The following ERBB4 variants were observed in gnomAD, a reference collection of about 807,000 sequenced individuals.
The protein encoded by ERBB4 is erb-b2 receptor tyrosine kinase 4, also known as receptor tyrosine-protein kinase erbB-4.
ERBB4 carries 42 observed loss-of-function variants against 158.0 expected under a neutral mutation model. That is an observed-to-expected ratio of 0.27 (90% CI 0.21 to 0.34). ERBB4 has a LOEUF of 0.34. Ranked by LOEUF, ERBB4 falls within the 10% of genes least tolerant of loss-of-function variation. The probability of loss-of-function intolerance (pLI) is 1.00; values close to 1 mark genes in which losing one functional copy is unlikely to be tolerated. For missense variants in ERBB4, 1,333 were observed against 1,624.1 expected, an observed-to-expected ratio of 0.82 and a Z score of 3.08; for synonymous variants, 583 against 558.7, an observed-to-expected ratio of 1.04 and a Z score of -0.61.
At chr2:212,069,495 G>A (rs143420303) in intron 2 of ERBB4, among the ~76,000 whole-genome samples, 107 of 152,024 alleles carry the variant, frequency 7.0e-4, no homozygotes, top group African/African-American at 2.4e-3. Flanking sequence ...CCCCACTCCC[G>A]ATCAGGAACA....
Position 211,420,631 on chromosome 2 carries a change from T to A in ERBB4, c.2965-20A>T. 1 of 1,603,132 alleles carries A rather than the reference T, an allele frequency of 6.2e-7. No homozygotes were observed. The highest frequency in any genetic ancestry group is 8.5e-7 in the Non-Finnish European group (1 of 1,171,488). On this transcript the variant is annotated intron_variant, in intron 24 of 27. Coordinates refer to ENST00000342788, the MANE Select transcript of ERBB4 (RefSeq NM_005235.3). Reference sequence around the variant, plus strand: ...ATCACCCTAAAAGAAAGATTGCCCATCAGACACAAATATGATTCTTTCTTA... The same window carrying A: ...ATCACCCTAAAAGAAAGATTGCCCAACAGACACAAATATGATTCTTTCTTA...
chr2:211,682,130 C>A (rs916073587), intron 12 of ERBB4, among the ~76,000 whole-genome samples: 1 of 149,560 alleles, frequency 6.7e-6, no homozygotes, highest in Admixed American at 6.7e-5. Flanking sequence ...GAAGTTTCAC[C>A]ATCTTCCACC....
intron 1 of ERBB4, among the ~76,000 whole-genome samples, chr2:212,311,876 A>G (rs898552936): frequency 2.0e-5 from 3 of 151,014 alleles, no homozygotes; most frequent in South Asian, 2.1e-4. Flanking sequence ...CACAAGAGAA[A>G]TCTATTAGAG....
intron 25 of ERBB4, among the ~76,000 whole-genome samples, chr2:211,400,290 T>TAAA (rs1204233105): frequency 2.6e-5 from 4 of 152,106 alleles, no homozygotes; most frequent in African/African-American, 9.7e-5. Flanking sequence ...ACATAGTAGA[T>TAAA]AAATGTGCAA....
chr2:211,530,651 G>C (rs1323292134), intron 20 of ERBB4, among the ~76,000 whole-genome samples: 1 of 152,100 alleles, frequency 6.6e-6, no homozygotes, highest in Non-Finnish European at 1.5e-5. Context: ...GCACTTGGGG[G>C]CTGAGGTGGG....
intron 3 of ERBB4, among the ~76,000 whole-genome samples, chr2:211,946,752 A>T (rs1032370731): frequency 5.9e-5 from 9 of 151,658 alleles, no homozygotes; most frequent in Admixed American, 3.3e-4. Flanking sequence ...ACTTTCATGC[A>T]CCCTGAGCTA....
intron 19 of ERBB4, among the ~76,000 whole-genome samples, chr2:211,585,367 G>A (rs1381946202): frequency 2.1e-4 from 20 of 95,666 alleles, no homozygotes; most frequent in East Asian, 3.6e-4. Context: ...AAAAAAAAAA[G>A]ACTTCCTTAG....
At chr2:212,241,801 C>T (rs995691151) in intron 1 of ERBB4, among the ~76,000 whole-genome samples, 2 of 152,030 alleles carry the variant, frequency 1.3e-5, no homozygotes, top group African/African-American at 2.4e-5. Context: ...CCTAGAGCAA[C>T]TTAATCTTAT....
intron 3 of ERBB4, among the ~76,000 whole-genome samples, chr2:211,825,245 A>C (rs2077076805): frequency 6.6e-6 from 1 of 151,886 alleles, no homozygotes; most frequent in African/African-American, 2.4e-5. Context: ...TCATCATCAT[A>C]ATGATAATAA....
intron 19 of ERBB4, among the ~76,000 whole-genome samples, chr2:211,617,183 A>G (rs2069422981): frequency 6.6e-6 from 1 of 152,040 alleles, no homozygotes; most frequent in Non-Finnish European, 1.5e-5. Flanking sequence ...TATGACAAAA[A>G]TGTCTGTTCA....
intron 4 of ERBB4, among the ~76,000 whole-genome samples, chr2:211,754,557 G>A (rs928531197): frequency 2.0e-5 from 3 of 150,670 alleles, no homozygotes; most frequent in Admixed American, 6.6e-5. Flanking sequence ...CCTGCCATAC[G>A]CCCAGCTAGT....
At chr2:211,887,757 G>A (rs1342436956) in intron 3 of ERBB4, among the ~76,000 whole-genome samples, 1 of 152,048 alleles carries the variant, frequency 6.6e-6, no homozygotes, top group Non-Finnish European at 1.5e-5. Flanking sequence ...TCTACTTGTA[G>A]TACCTAAACA....
At chr2:212,115,399 A>G (rs952505768) in intron 2 of ERBB4, among the ~76,000 whole-genome samples, 1 of 152,166 alleles carries the variant, frequency 6.6e-6, no homozygotes, top group African/African-American at 2.4e-5. Flanking sequence ...TAATGAAAAT[A>G]TATGTAGTAT....
At chr2:211,855,545 C>A (rs1318310513) in intron 3 of ERBB4, among the ~76,000 whole-genome samples, 1 of 152,158 alleles carries the variant, frequency 6.6e-6, no homozygotes, top group Admixed American at 6.5e-5. Flanking sequence ...ATAGATATCT[C>A]ATTATTCCAA....
At chr2:211,839,500 T>G (rs929551040) in intron 3 of ERBB4, among the ~76,000 whole-genome samples, 3 of 152,044 alleles carry the variant, frequency 2.0e-5, no homozygotes, top group Non-Finnish European at 4.4e-5. Flanking sequence ...CTCAACTAGG[T>G]TTTTTTCTCA....
At chr2:211,996,453 G>GA (rs1402359039) in intron 2 of ERBB4, among the ~76,000 whole-genome samples, 1 of 151,928 alleles carries the variant, frequency 6.6e-6, no homozygotes, top group African/African-American at 2.4e-5. Flanking sequence ...TTTATAATAA[G>GA]AAGTTACCTT....
At chr2:211,419,530 T>C (rs907476253) in intron 25 of ERBB4, among the ~76,000 whole-genome samples, 1 of 152,080 alleles carries the variant, frequency 6.6e-6, no homozygotes, top group African/African-American at 2.4e-5. Context: ...TTAAGCATCA[T>C]GTTTATATCT....
In ERBB4 at chr2:212,300,550, AT is replaced by A. The variant is rs200903390; in HGVS notation, c.83-175648del. ...TTTAAAATATCCCAGCCTACAAAAA[AT>A]ATCAAGAAAACTGTTTTGAATAATG... On this transcript the variant is annotated intron_variant, in intron 1 of 27. Transcript: ENST00000342788. Among the ~76,000 whole-genome samples, 1,307 of 151,710 alleles carry A rather than the reference AT, an allele frequency of 8.6e-3. 17 individuals carry two copies. Among genetic ancestry groups the A allele is most frequent in the African/African-American group, 0.028 (1,171 of 41,492 alleles).
At chr2:212,412,197 T>TTTTGGTAAAGTATTTACCAAC (rs1178884436) in intron 1 of ERBB4, among the ~76,000 whole-genome samples, 1 of 152,176 alleles carries the variant, frequency 6.6e-6, no homozygotes, top group Non-Finnish European at 1.5e-5. Flanking sequence ...TCCCCCTCCA[T>TTTTGGTAAAGTATTTACCAAC]TTTGGTAAAG....
Sources: gnomAD v4.1 joint callset for allele counts (sites outside exome capture counted in the v4.1 genomes callset) on GRCh38, gnomAD v4.1.1 for gene constraint, MANE v1.5 for transcripts, NCBI Gene and HGNC (gene_info 2026-07-23, HGNC 2026-07-21) for gene names.